MYO1D: variants seen among roughly 807,000 people sequenced by gnomAD.
MYO1D encodes the protein myosin ID.
Under a neutral mutation model 122.0 loss-of-function variants are expected in MYO1D, and 83 were observed. The observed-to-expected ratio is 0.68, with a 90% CI of 0.57 to 0.82. The LOEUF (loss-of-function observed/expected upper bound fraction) is 0.82. MYO1D is among the 40% of genes least tolerant of loss of function. The probability of loss-of-function intolerance (pLI) is 0.00; values close to 1 mark genes in which losing one functional copy is unlikely to be tolerated. For missense variants in MYO1D, 1,157 were observed against 1,269.5 expected, an observed-to-expected ratio of 0.91 and a Z score of 1.35; for synonymous variants, 464 against 446.9, an observed-to-expected ratio of 1.04 and a Z score of -0.48.
At chr17:32,652,014 T>C (rs2088397990) in intron 19 of MYO1D, among the ~76,000 whole-genome samples, 2 of 152,172 alleles carry the variant, frequency 1.3e-5, no homozygotes, top group African/African-American at 2.4e-5. Context: ...ACTGTGTACA[T>C]ACACAATTGA....
At chr17:32,779,830 G>C (rs1035969703) in intron 2 of MYO1D, among the ~76,000 whole-genome samples, 2 of 152,120 alleles carry the variant, frequency 1.3e-5, no homozygotes, top group African/African-American at 4.8e-5. Context: ...CTACATACCA[G>C]AGAGTTGTTT....
intron 20 of MYO1D, among the ~76,000 whole-genome samples, chr17:32,617,493 T>A (rs1361513965): frequency 6.6e-6 from 1 of 152,094 alleles, no homozygotes; most frequent in Non-Finnish European, 1.5e-5. Context: ...TGGGCTGGAG[T>A]GCAATGGCAT....
intron 1 of MYO1D, among the ~76,000 whole-genome samples, chr17:32,845,497 T>C (rs988302538): frequency 1.3e-5 from 2 of 152,204 alleles, no homozygotes; most frequent in African/African-American, 4.8e-5. Context: ...ACTACAATCA[T>C]ATTTGGTTCT....
At chr17:32,841,036 C>G (rs1399316513) in intron 1 of MYO1D, among the ~76,000 whole-genome samples, 1 of 152,140 alleles carries the variant, frequency 6.6e-6, no homozygotes, top group Admixed American at 6.6e-5. Flanking sequence ...ATGATTTTGA[C>G]CAACTGTAGG....
At chr17:32,635,488 G>A (rs2088085044) in intron 20 of MYO1D, among the ~76,000 whole-genome samples, 1 of 152,092 alleles carries the variant, frequency 6.6e-6, no homozygotes, top group African/African-American at 2.4e-5. Context: ...ATCATGAGGT[G>A]AGGAGCTCAA....
At chr17:32,644,148 T>C (rs905692320) in intron 19 of MYO1D, among the ~76,000 whole-genome samples, 1 of 152,212 alleles carries the variant, frequency 6.6e-6, no homozygotes, top group African/African-American at 2.4e-5. Flanking sequence ...AGAACATCTT[T>C]ATTTCTGCCT....
intron 6 of MYO1D, 148 bp from the exon 7 acceptor site, chr17:32,767,900 T>C (rs1164601925): frequency 1.7e-6 from 1 of 592,078 alleles, no homozygotes; most frequent in African/African-American, 1.9e-5. Flanking sequence ...TAAAAATGAT[T>C]TCACGAGTTG....
At chr17:32,851,708 C>CA (rs2090991062) in intron 1 of MYO1D, among the ~76,000 whole-genome samples, 2 of 152,210 alleles carry the variant, frequency 1.3e-5, no homozygotes, top group Admixed American at 1.3e-4. Flanking sequence ...TGTTCCACCT[C>CA]AGATCATCAG....
chr17:32,558,808 G>A (rs146294364), intron 21 of MYO1D, among the ~76,000 whole-genome samples: 109 of 152,304 alleles, frequency 7.2e-4, no homozygotes, highest in African/African-American at 2.6e-3. Context: ...ACACTGAGGC[G>A]GGGAGTAGAT....
At chr17:32,684,706 GTA>G (rs1207737180) in intron 16 of MYO1D, among the ~76,000 whole-genome samples, 3 of 152,146 alleles carry the variant, frequency 2.0e-5, no homozygotes, top group Non-Finnish European at 4.4e-5. Flanking sequence ...CAGCTGTCAT[GTA>G]TTTTCTCAAG....
At chr17:32,643,545 G>C (rs1027844975) in intron 19 of MYO1D, among the ~76,000 whole-genome samples, 4 of 152,098 alleles carry the variant, frequency 2.6e-5, no homozygotes, top group Non-Finnish European at 4.4e-5. Context: ...TGTGAATCCT[G>C]TCTGGTCTTG....
At chr17:32,699,149 G>C (rs1363697007) in intron 16 of MYO1D, among the ~76,000 whole-genome samples, 1 of 151,974 alleles carries the variant, frequency 6.6e-6, no homozygotes, top group Non-Finnish European at 1.5e-5. Context: ...ATTTTTAGTA[G>C]AGATGGGGTT....
At chr17:32,656,502 G>C (rs2088478761) in intron 17 of MYO1D, among the ~76,000 whole-genome samples, 1 of 152,180 alleles carries the variant, frequency 6.6e-6, no homozygotes, top group African/African-American at 2.4e-5. Flanking sequence ...AAGGGCAGGA[G>C]ATGAAGGATT....
chr17:32,617,927 C>T (rs113152994), intron 20 of MYO1D, among the ~76,000 whole-genome samples: 2,467 of 152,050 alleles, frequency 0.016, 52 homozygotes, highest in African/African-American at 0.056. Flanking sequence ...GTAAAAATAC[C>T]ATATTTATAA....
chr17:32,852,779 A>AT (rs1381170394), intron 1 of MYO1D, among the ~76,000 whole-genome samples: 1 of 152,184 alleles, frequency 6.6e-6, no homozygotes, highest in African/African-American at 2.4e-5. Context: ...ATAAATTTAG[A>AT]TAAAAAAAGA....
At chr17:32,503,794 C>G (rs1053631816) in intron 21 of MYO1D, among the ~76,000 whole-genome samples, 1 of 152,232 alleles carries the variant, frequency 6.6e-6, no homozygotes, top group African/African-American at 2.4e-5. Context: ...ACTGGAGCAT[C>G]AGGAGCTCAT....
intron 19 of MYO1D, among the ~76,000 whole-genome samples, chr17:32,647,088 A>G (rs568220504): frequency 1.4e-4 from 22 of 152,218 alleles, no homozygotes; most frequent in Non-Finnish European, 3.2e-4. Flanking sequence ...TAAACACTAC[A>G]AGTGATCTGT....
chr17:32,876,274 GAAA>G (rs199952868), intron 1 of MYO1D, among the ~76,000 whole-genome samples: 1 of 147,704 alleles, frequency 6.8e-6, no homozygotes, highest in Non-Finnish European at 1.5e-5. Context: ...ACGCCAGGAG[GAAA>G]AAAAAAAGAA....
At chr17:32,630,581 T>C (rs896908312) in intron 20 of MYO1D, among the ~76,000 whole-genome samples, 1 of 148,920 alleles carries the variant, frequency 6.7e-6, no homozygotes, top group Non-Finnish European at 1.5e-5. Context: ...TGTTCCTCCT[T>C]TTTTTTTTTG....
Sources: allele counts gnomAD v4.1 joint callset (sites outside exome capture counted in the v4.1 genomes callset), GRCh38; gene constraint gnomAD v4.1.1; transcripts MANE v1.5; gene names NCBI Gene and HGNC (gene_info 2026-07-23, HGNC 2026-07-21).